Variants in KHDRBS1 observed in about 807,000 individuals in gnomAD.
The protein encoded by KHDRBS1 is KH domain-containing, RNA-binding, signal transduction-associated protein 1.
KHDRBS1 carries 7 observed loss-of-function variants against 48.4 expected under a neutral mutation model. The ratio of observed to expected loss-of-function variants is 0.14; its 90% CI spans 0.08 to 0.27. The LOEUF (loss-of-function observed/expected upper bound fraction) is 0.27, where lower values mean the gene tolerates loss of function less well. Ranked by LOEUF, KHDRBS1 falls within the 10% of genes least tolerant of loss-of-function variation. The pLI is 1.00. For synonymous variants in KHDRBS1, 241 were observed against 235.8 expected (o/e 1.02, Z -0.20); for missense variants, 458 against 601.2 (o/e 0.76, Z 2.49).
intron 1 of KHDRBS1, among the ~76,000 whole-genome samples, chr1:32,026,527 A>G (rs1330203329): frequency 6.6e-6 from 1 of 152,230 alleles, no homozygotes; most frequent in Non-Finnish European, 1.5e-5. Context: ...GTTCAAAAAT[A>G]GAAGAATCCA....
At chr1:32,024,802 A>G (rs751744896) in intron 1 of KHDRBS1, among the ~76,000 whole-genome samples, 5 of 152,134 alleles carry the variant, frequency 3.3e-5, no homozygotes, top group Non-Finnish European at 5.9e-5. Flanking sequence ...TAGGCATCAA[A>G]TAAATATTCA....
chr1:32,018,943 T>C (rs534931361), intron 1 of KHDRBS1, among the ~76,000 whole-genome samples: 2 of 151,036 alleles, frequency 1.3e-5, no homozygotes, highest in East Asian at 4.0e-4. Context: ...TGGTGGCACG[T>C]GCCTGTAATC....
intron 1 of KHDRBS1, among the ~76,000 whole-genome samples, chr1:32,019,453 G>C (rs1412680944): frequency 6.6e-6 from 1 of 152,022 alleles, no homozygotes; most frequent in East Asian, 1.9e-4. Flanking sequence ...GGAAGGCTGA[G>C]GCAGGAGAAT....
intron 10 of KHDRBS1, among the ~76,000 whole-genome samples, chr1:32,059,966 A>C (rs929668905): frequency 2.0e-5 from 3 of 152,130 alleles, no homozygotes; most frequent in Non-Finnish European, 4.4e-5. Flanking sequence ...CCAGACAGAC[A>C]GTAAAAAGAG....
At chr1:32,039,349 T>C (rs1377046746) in intron 7 of KHDRBS1, among the ~76,000 whole-genome samples, 166 bp from the exon 8 acceptor site, 1 of 152,256 alleles carries the variant, frequency 6.6e-6, no homozygotes, top group East Asian at 1.9e-4. Flanking sequence ...TATAAGTACA[T>C]AGTCTATACA....
At chr1:32,038,805 T>C (rs1172608778) in intron 7 of KHDRBS1, among the ~76,000 whole-genome samples, 186 bp downstream of exon 7, 1 of 152,202 alleles carries the variant, frequency 6.6e-6, no homozygotes. Flanking sequence ...CCTCCCACTT[T>C]AGCTCTCTCT....
intron 8 of KHDRBS1, among the ~76,000 whole-genome samples, chr1:32,040,679 G>A (rs574815393): frequency 1.4e-4 from 21 of 152,328 alleles, no homozygotes; most frequent in Non-Finnish European, 2.9e-4. Context: ...ATGTGGCAGT[G>A]GATGCAGCGA....
At chr1:32,036,404 C>T (rs1013600449) in intron 4 of KHDRBS1, among the ~76,000 whole-genome samples, 5 of 152,060 alleles carry the variant, frequency 3.3e-5, no homozygotes, top group Admixed American at 2.0e-4. Flanking sequence ...CTCCTGACCT[C>T]GTGATCTGCC....
chr1:32,031,391 C>T lies in KHDRBS1; in HGVS notation c.508-133C>T, dbSNP rs1569791072. ...GCTAATCACTTTATTAATATGGCTTCAGTGTCCTTCAGTAAAATGGGAATG... is the reference window on the plus strand; with the variant it reads ...GCTAATCACTTTATTAATATGGCTTTAGTGTCCTTCAGTAAAATGGGAATG... On this transcript the variant is annotated intron_variant, in intron 2 of 8. Coordinates refer to ENST00000327300, the MANE Select transcript of KHDRBS1 (RefSeq NM_006559.3). The T allele has an allele frequency of 9.6e-6, 6 of 622,680 alleles. No individual in the cohort carries two copies. In the East Asian group the frequency reaches 1.7e-4, roughly 17 times the overall value. 38.6% of individuals were successfully genotyped at this position (622,680 alleles called of 1,614,324 possible). A position where few individuals can be genotyped will look rare whatever the true frequency, so the allele number is the denominator to read the frequency against.
Position 32,014,310 on chromosome 1 carries a change from C to A in KHDRBS1, c.315C>A (p.Pro105=). 6.4e-7 allele frequency: 1 copy of A among 1,559,158 alleles called. No individual in the cohort carries two copies. ...VKMEPENKYL[P]ELMAEKDSLD... ...TGGAGCCAGAGAACAAGTACCTGCC[C>A]GAACTCATGGCCGAGAAGGACTCGC... The change falls in exon 1 of 9, where the codon CCC becomes CCA. Residue 105 remains proline, a synonymous_variant. Transcript: ENST00000327300.
intron 1 of KHDRBS1, among the ~76,000 whole-genome samples, chr1:32,025,287 T>C (rs767998103): frequency 7.7e-4 from 73 of 94,972 alleles, no homozygotes; most frequent in South Asian, 2.7e-3. Flanking sequence ...AAAATTCGGC[T>C]CCTCCTTTTT....
intron 2 of KHDRBS1, 129 bp from the exon 3 acceptor site, chr1:32,031,395 G>A (rs1253002987): frequency 3.2e-6 from 2 of 634,150 alleles, no homozygotes; most frequent in African/African-American, 1.8e-5. Flanking sequence ...TGGCTTCAGT[G>A]TCCTTCAGTA....
rs1639317575 is a variant in KHDRBS1, at chr1:32,043,387, G to A, written c.*763G>A. On this transcript the variant is annotated 3_prime_UTR_variant, in exon 9 of 9. Coordinates refer to ENST00000327300, the MANE Select transcript of KHDRBS1 (RefSeq NM_006559.3). The stretch of plus-strand genomic sequence containing the variant: ...TGTGTTGAGAGATACTTAGAGGGAG[G>A]GAGTAGGTTTTGAAGAGGTTGATGG... 1 of 152,552 alleles carries A rather than the reference G, an allele frequency of 6.6e-6. No individual in the cohort carries two copies. Among genetic ancestry groups the A allele is most frequent in the African/African-American group, 2.4e-5 (1 of 41,430 alleles). The allele number at this position is 152,552 out of a possible 1,614,324, so 9.4% of individuals were successfully genotyped here.
At position 32,043,628 on chromosome 1, in the gene KHDRBS1, T is replaced by C. The variant is rs557786115; in HGVS notation, c.*1004T>C. The C allele has an allele frequency of 6.5e-6, 1 of 152,768 alleles. No individual in the cohort carries two copies. The highest frequency in any genetic ancestry group is 1.9e-4 in the East Asian group (1 of 5,186). The allele number at this position is 152,768 out of a possible 1,614,324, so 9.5% of individuals were successfully genotyped here. On this transcript the variant is annotated 3_prime_UTR_variant, in exon 9 of 9. Transcript: ENST00000327300. ...GTTGACGGTTGTCAATATATCGAAC[T>C]GTTCCCAAGTTAGTCAAGTATGTCT...
At chr1:32,028,461 AGTATATATATATACAC>A (rs1415911322) in intron 1 of KHDRBS1, among the ~76,000 whole-genome samples, 2 of 147,680 alleles carry the variant, frequency 1.4e-5, no homozygotes, top group African/African-American at 2.5e-5. Flanking sequence ...GATTTTAGGG[AGTATATATATATACAC>A]GTATATATAT....
chr1:32,031,593 G>A lies in KHDRBS1; in HGVS notation c.577G>A (p.Ala193Thr), dbSNP rs1639081243. 1 of 1,612,246 alleles carries A rather than the reference G, an allele frequency of 6.2e-7. No homozygotes were observed. The highest frequency in any genetic ancestry group is 1.3e-5 in the African/African-American group (1 of 74,826). ...TIKRLQEETG[A>T]KISVLGKGSM... ...CAAAAGACTGCAGGAAGAGACTGGT[G>A]CAAAGATCTCTGTATTGGGAAAGGG... is the stretch of plus-strand genomic sequence containing the variant. Residue 193 changes from alanine to threonine, a missense_variant, in exon 3 of 9, where the codon GCA (alanine) becomes ACA (threonine). Ala to Thr is a moderately conservative substitution (Grantham distance 58). This residue lies in a region of KHDRBS1 where 74 missense variants were observed against 156.9 expected (regional missense o/e 0.47). Transcript: ENST00000327300.
chr1:32,022,300 G>A (rs1182945319), intron 1 of KHDRBS1, among the ~76,000 whole-genome samples: 1 of 152,064 alleles, frequency 6.6e-6, no homozygotes, highest in East Asian at 1.9e-4. Flanking sequence ...GCCCCAGCCG[G>A]TACATTTCTT....
At chr1:32,038,401 T>C in intron 6 of KHDRBS1, 151 bp from the exon 7 acceptor site, 1 of 747,878 alleles carries the variant, frequency 1.3e-6, no homozygotes, top group Non-Finnish European at 2.1e-6. Context: ...CCTTTCTCTT[T>C]TGACTATTCT....
intron 10 of KHDRBS1, among the ~76,000 whole-genome samples, chr1:32,059,897 A>G (rs1433837599): frequency 3.3e-5 from 5 of 152,032 alleles, no homozygotes. Flanking sequence ...CCCTGGATCC[A>G]CTCAGCTGAG....
Sources: allele counts gnomAD v4.1 joint callset (sites outside exome capture counted in the v4.1 genomes callset), GRCh38; gene constraint gnomAD v4.1.1; regional missense constraint gnomAD v4.1.1; transcripts MANE v1.5; gene names NCBI Gene and HGNC (gene_info 2026-07-23, HGNC 2026-07-21).